IGDCC4: variants seen among roughly 807,000 people sequenced by gnomAD.
The protein encoded by IGDCC4 is immunoglobulin superfamily DCC subclass member 4.
IGDCC4 carries 72 observed loss-of-function variants against 116.6 expected under a neutral mutation model. The ratio of observed to expected loss-of-function variants is 0.62; its 90% confidence interval spans 0.51 to 0.75. The LOEUF is 0.75. Among genes scored for constraint, IGDCC4 ranks in the 30% least tolerant of loss-of-function variants. The pLI is 0.00. For missense variants in IGDCC4, 1,501 were observed against 1,662.4 expected, an observed-to-expected ratio of 0.90 and a Z score of 1.69; for synonymous variants, 709 against 719.9, an observed-to-expected ratio of 0.98 and a Z score of 0.24.
At chr15:65,391,208 C>A (rs1336622579) in intron 12 of IGDCC4, among the ~76,000 whole-genome samples, 1 of 152,068 alleles carries the variant, frequency 6.6e-6, no homozygotes, top group Non-Finnish European at 1.5e-5. Flanking sequence ...CCAGCCTGGG[C>A]AACAGAGTGA....
chr15:65,411,400 G>A (rs1207354152), intron 1 of IGDCC4, 30 bp from the exon 2 acceptor site: 3 of 1,499,084 alleles, frequency 2.0e-6, no homozygotes, highest in Non-Finnish European at 2.7e-6. Flanking sequence ...GGGGCCATCA[G>A]TGTATGTCCC....
Position 65,411,085 on chromosome 15 carries a change from T to C in IGDCC4, c.356A>G (p.Tyr119Cys). ...PEAVGVIEGN[Y>C]SCLAHGPLGV... ...GAGGGGGCCGTGGGCTAGGCACGAA[T>C]AGTTGCCTTCAATGACCCCCACAGC... The change falls in exon 2 of 20, where the codon TAT becomes TGT. Residue 119 changes from tyrosine (Y) to cysteine (C), a missense_variant. Around this residue, in one of 3 missense-constraint regions of IGDCC4, gnomAD observed 898 missense variants for 978.9 expected, o/e 0.92. Coordinates refer to ENST00000352385, the MANE Select transcript of IGDCC4 (RefSeq NM_020962.3). 6.2e-7 allele frequency: 1 copy of C among 1,614,170 alleles called. No individual in the cohort carries two copies.
At chr15:65,401,539 C>T (rs1471230332) in intron 4 of IGDCC4, among the ~76,000 whole-genome samples, 5 of 152,074 alleles carry the variant, frequency 3.3e-5, no homozygotes, top group Non-Finnish European at 5.9e-5. Context: ...AAAGACGACA[C>T]CAGACTGGGA....
Position 65,395,199 on chromosome 15 carries a change from G to A in IGDCC4, c.1471C>T (p.Arg491Trp), listed in dbSNP as rs749510394. 2.4e-5 allele frequency: 38 copies of A among 1,613,966 alleles called. 1 individual carries two copies. In the South Asian group the frequency reaches 3.6e-4, roughly 15 times the overall value. Reference protein sequence around the residue: ...VNNDTTELQVRDLEPNTDYEF... With the variant: ...VNNDTTELQVWDLEPNTDYEF... Reference sequence around the variant, plus strand: ...TAATCTGTGTTGGGTTCCAGGTCCCGAACCTGTAGTTCTGTGGTGTCGTTG... The same window carrying A: ...TAATCTGTGTTGGGTTCCAGGTCCCAAACCTGTAGTTCTGTGGTGTCGTTG... The change falls in exon 8 of 20, where the codon CGG becomes TGG. Residue 491 changes from arginine to tryptophan, a missense_variant. Transcript: ENST00000352385.
At chr15:65,402,512 T>C (rs1446971067) in intron 3 of IGDCC4, 25 bp from the exon 4 acceptor site, 2 of 1,560,646 alleles carry the variant, frequency 1.3e-6, no homozygotes, top group Non-Finnish European at 1.7e-6. Flanking sequence ...AGCAGGCAAC[T>C]GTGAGGTGGG....
chr15:65,391,323 C>T (rs1043880748), intron 12 of IGDCC4, among the ~76,000 whole-genome samples: 2 of 152,150 alleles, frequency 1.3e-5, no homozygotes, highest in African/African-American at 4.8e-5. Context: ...GAGGGAGTAT[C>T]ATGATGGGCA....
Position 65,388,519 on chromosome 15 carries a change from C to A in IGDCC4, c.2775G>T (p.Ala925=). The A allele has an allele frequency of 6.2e-7, 1 of 1,614,152 alleles. No individual in the cohort carries two copies. The highest frequency in any genetic ancestry group is 8.5e-7 in the Non-Finnish European group (1 of 1,180,024). Residue 925 remains alanine, a synonymous_variant, in exon 16 of 20, where the codon GCG becomes GCT. Coordinates refer to ENST00000352385, the MANE Select transcript of IGDCC4 (RefSeq NM_020962.3). ...AAGGCCCAGGTCCCACCTCTGTGCG[C>A]GCCCCCATCTTGAAGAAGTACCGAG... The part of the protein sequence containing the change: ...SDTRYFFKMG[A]RTEVGPGPFS...
intron 1 of IGDCC4, among the ~76,000 whole-genome samples, chr15:65,419,799 A>G (rs1027711416): frequency 3.3e-5 from 5 of 152,212 alleles, no homozygotes; most frequent in Admixed American, 6.5e-5. Context: ...TGTGCGTGTG[A>G]TAAGAACAGA....
rs543963100 is a variant in IGDCC4 at position 65,392,228 on chromosome 15, G to A, written c.2028C>T (p.Gly676=). ...CTCCACGGCCCCCTGGCAGGCGATC[G>A]CCATTGGCCTCCTCCTCAGCCCCCA... ...REVGAEEEAN[G]DRLPGGRGDQ... is the part of the protein sequence containing the mutation. The change falls in exon 11 of 20, where the codon GGC becomes GGT. Residue 676 remains glycine (G), a synonymous_variant. Transcript: ENST00000352385. The A allele has an allele frequency of 9.3e-6, 15 of 1,613,754 alleles. No individual in the cohort carries two copies. The highest frequency in any genetic ancestry group is 6.7e-5 in the East Asian group (3 of 44,848).
chr15:65,410,768 A>G (rs1407423028), intron 2 of IGDCC4: 6 of 536,702 alleles, frequency 1.1e-5, no homozygotes, highest in Non-Finnish European at 2.0e-5. Context: ...GCACAAGCCC[A>G]GACTCTAGGA....
intron 5 of IGDCC4, among the ~76,000 whole-genome samples, chr15:65,399,447 CAAAAAAAAAAAAAA>C (rs112040935): frequency 1.5e-4 from 11 of 71,182 alleles, no homozygotes; most frequent in African/African-American, 4.3e-4. Flanking sequence ...GGGTGACAGG[CAAAAAAAAAAAAAA>C]AAAAAAAAAA....
intron 1 of IGDCC4, among the ~76,000 whole-genome samples, chr15:65,421,151 T>A (rs965022130): frequency 2.6e-5 from 4 of 152,130 alleles, no homozygotes; most frequent in African/African-American, 9.7e-5. Context: ...CGCAACTCGG[T>A]CCCTCGCCTG....
intron 3 of IGDCC4, among the ~76,000 whole-genome samples, chr15:65,408,067 C>A (rs2063056793): frequency 6.6e-6 from 1 of 152,176 alleles, no homozygotes; most frequent in African/African-American, 2.4e-5. Context: ...CGCGCCCAGC[C>A]ATATTGATAT....
At chr15:65,400,545 G>T (rs1374459934) in intron 5 of IGDCC4, among the ~76,000 whole-genome samples, 1 of 152,172 alleles carries the variant, frequency 6.6e-6, no homozygotes. Flanking sequence ...CCTCAGGAGG[G>T]CTGCAATAAC....
intron 17 of IGDCC4, 91 bp downstream of exon 17, chr15:65,386,460 G>A (rs2091459442): frequency 1.8e-6 from 2 of 1,107,156 alleles, no homozygotes; most frequent in South Asian, 1.3e-5. Flanking sequence ...GAGTGCCAAG[G>A]GCAAGTCATG....
At chr15:65,409,109 A>G (rs1344122995) in intron 3 of IGDCC4, among the ~76,000 whole-genome samples, 1 of 152,142 alleles carries the variant, frequency 6.6e-6, no homozygotes, top group Non-Finnish European at 1.5e-5. Flanking sequence ...GGTTGGGATT[A>G]CAGGCATGAG....
In IGDCC4 at chr15:65,394,550, T is replaced by G. The variant is rs2140204149; in HGVS notation, c.1577-2A>C. 1 of 1,595,276 alleles carries G rather than the reference T, an allele frequency of 6.3e-7. No homozygotes were observed. The highest frequency in any genetic ancestry group is 1.7e-4 in the Middle Eastern group (1 of 5,948). On this transcript the variant is annotated splice_acceptor_variant, in intron 8 of 19. Transcript: ENST00000352385. LOFTEE classifies it high-confidence loss of function. ...AGAGCTGGGGTGCTGCACTGGGGAC[T>G]GAGACAGAAGAACATCAGCATGAGC...
chr15:65,386,406 C>G (rs2091458949), intron 17 of IGDCC4, 145 bp downstream of exon 17: 1 of 742,748 alleles, frequency 1.3e-6, no homozygotes, highest in African/African-American at 1.7e-5. Context: ...GACATCATCC[C>G]TGATTCCTTC....
intron 3 of IGDCC4, among the ~76,000 whole-genome samples, chr15:65,404,327 C>G (rs956603004): frequency 6.6e-6 from 1 of 152,134 alleles, no homozygotes; most frequent in Non-Finnish European, 1.5e-5. Flanking sequence ...TGGGGCAGAG[C>G]GAGAGAAAGG....
Sources: allele counts gnomAD v4.1 joint callset (sites outside exome capture counted in the v4.1 genomes callset), GRCh38; gene constraint gnomAD v4.1.1; regional missense constraint gnomAD v4.1.1; transcripts MANE v1.5; gene names NCBI Gene and HGNC (gene_info 2026-07-23, HGNC 2026-07-21).